Variants in CEP112 observed in about 807,000 individuals in gnomAD.
The protein encoded by CEP112 is centrosomal protein 112, also known as centrosomal protein of 112 kDa.
Under a neutral mutation model 153.0 loss-of-function variants are expected in CEP112, and 127 were observed. That is an observed-to-expected ratio of 0.83 (90% CI 0.72 to 0.96). CEP112 has a LOEUF of 0.96. Ranked by LOEUF, CEP112 falls within the 40% of genes least tolerant of loss-of-function variation. CEP112 has a pLI of 0.00. For synonymous variants in CEP112, 358 were observed against 374.4 expected, an observed-to-expected ratio of 0.96 and a Z score of 0.51; for missense variants, 1,089 against 1,101.2, an observed-to-expected ratio of 0.99 and a Z score of 0.16.
intron 24 of CEP112, among the ~76,000 whole-genome samples, chr17:65,673,426 T>C (rs533556639): frequency 6.6e-6 from 1 of 152,292 alleles, no homozygotes; most frequent in African/African-American, 2.4e-5. Context: ...CCCCACCACT[T>C]GGATAATCTG....
intron 16 of CEP112, among the ~76,000 whole-genome samples, chr17:66,021,056 C>T (rs975610519): frequency 2.0e-5 from 3 of 152,086 alleles, no homozygotes; most frequent in Non-Finnish European, 4.4e-5. Context: ...TACTGAGGAA[C>T]TGTGCAACCT....
At chr17:65,900,006 T>A (rs1448913319) in intron 20 of CEP112, among the ~76,000 whole-genome samples, 1 of 152,182 alleles carries the variant, frequency 6.6e-6, no homozygotes, top group Non-Finnish European at 1.5e-5. Context: ...CATTACATTA[T>A]TTAGACCACA....
chr17:65,925,060 A>C (rs1361619374), intron 19 of CEP112, among the ~76,000 whole-genome samples: 1 of 152,084 alleles, frequency 6.6e-6, no homozygotes, highest in Non-Finnish European at 1.5e-5. Flanking sequence ...TCCCCACCCA[A>C]ATCTCACCTT....
At chr17:66,171,041 T>A (rs117411661) in intron 4 of CEP112, among the ~76,000 whole-genome samples, 5,184 of 152,212 alleles carry the variant, frequency 0.034, 131 homozygotes, top group Middle Eastern at 0.061. Flanking sequence ...ATAAGCCAGA[T>A]GGAGTATGAC....
intron 21 of CEP112, among the ~76,000 whole-genome samples, chr17:65,846,660 C>G (rs2057736016): frequency 6.6e-6 from 1 of 152,188 alleles, no homozygotes; most frequent in African/African-American, 2.4e-5. Flanking sequence ...GCTCCGCCTC[C>G]CGGGTTCACG....
intron 23 of CEP112, among the ~76,000 whole-genome samples, chr17:65,703,041 C>T (rs908844072): frequency 2.0e-5 from 3 of 152,142 alleles, no homozygotes; most frequent in African/African-American, 7.2e-5. Context: ...ACATATGATA[C>T]ATCAGGTTCA....
At chr17:65,830,439 T>C (rs1427819849) in intron 21 of CEP112, among the ~76,000 whole-genome samples, 1 of 152,212 alleles carries the variant, frequency 6.6e-6, no homozygotes, top group Non-Finnish European at 1.5e-5. Context: ...AGTCTGGGAA[T>C]CTTCACAGGA....
intron 24 of CEP112, among the ~76,000 whole-genome samples, chr17:65,680,547 G>A (rs1216979973): frequency 6.6e-6 from 1 of 152,090 alleles, no homozygotes; most frequent in Non-Finnish European, 1.5e-5. Flanking sequence ...CATTGGGCCT[G>A]ATGCTGGGCT....
At chr17:65,746,212 G>A (rs2051455751) in intron 22 of CEP112, among the ~76,000 whole-genome samples, 1 of 149,962 alleles carries the variant, frequency 6.7e-6, no homozygotes, top group African/African-American at 2.5e-5. Context: ...AAAAATGCAG[G>A]TTTTGGAAAG....
At chr17:65,852,311 TTCC>T (rs2057974458) in intron 20 of CEP112, among the ~76,000 whole-genome samples, 1 of 47,122 alleles carries the variant, frequency 2.1e-5, no homozygotes, top group Admixed American at 2.3e-4. Flanking sequence ...TTCCCTTCCC[TTCC>T]CTTTCCTTCC....
intron 24 of CEP112, among the ~76,000 whole-genome samples, chr17:65,664,320 A>G (rs1478915898): frequency 2.0e-5 from 3 of 152,214 alleles, no homozygotes; most frequent in Non-Finnish European, 4.4e-5. Context: ...CACTTGGCTG[A>G]GGGCTTGACA....
chr17:66,130,296 G>C (rs114070343), intron 5 of CEP112, among the ~76,000 whole-genome samples: 3,961 of 152,038 alleles, frequency 0.026, 177 homozygotes, highest in African/African-American at 0.091. Context: ...TTTTAATTGT[G>C]GTATACCACA....
chr17:66,134,149 T>C (rs1168516577), intron 4 of CEP112, among the ~76,000 whole-genome samples: 1 of 152,174 alleles, frequency 6.6e-6, no homozygotes, highest in Non-Finnish European at 1.5e-5. Flanking sequence ...AAAAGATCTA[T>C]ACTTAAAAAT....
In CEP112 at chr17:66,012,943, G is replaced by A. The variant is rs190150515; in HGVS notation, c.1657-7174C>T. Among the ~76,000 whole-genome samples, 341 of 145,862 alleles carry A rather than the reference G, an allele frequency of 2.3e-3. 3 individuals carry two copies. The highest frequency in any genetic ancestry group is 8.4e-3 in the African/African-American group (331 of 39,304). On this transcript the variant is annotated intron_variant, in intron 16 of 26. Transcript: ENST00000535342. ...TTTACTTTTTTTTTTCTTTATTTTT[G>A]TCTGACTGAGTTATTTCAGATAGCT...
intron 22 of CEP112, 39 bp downstream of exon 22, chr17:65,750,623 T>C: frequency 1.3e-6 from 2 of 1,581,192 alleles, no homozygotes; most frequent in African/African-American, 2.7e-5. Flanking sequence ...CATTTTTGTT[T>C]TGGTTTTACC....
At chr17:66,144,470 A>T (rs1483679822) in intron 4 of CEP112, among the ~76,000 whole-genome samples, 7 of 152,188 alleles carry the variant, frequency 4.6e-5, no homozygotes, top group Middle Eastern at 3.2e-3. Flanking sequence ...AGGCAGGCAG[A>T]TCACCTGAGG....
At chr17:65,970,585 A>AT (rs1337052467) in intron 17 of CEP112, among the ~76,000 whole-genome samples, 1 of 152,046 alleles carries the variant, frequency 6.6e-6, no homozygotes, top group Non-Finnish European at 1.5e-5. Flanking sequence ...AATTGCGTGC[A>AT]TTTTATATAT....
intron 19 of CEP112, among the ~76,000 whole-genome samples, chr17:65,917,593 G>A (rs193215090): frequency 5.7e-4 from 87 of 152,208 alleles, no homozygotes; most frequent in African/African-American, 2.1e-3. Flanking sequence ...TCCAGTCTCA[G>A]CAAATGATTT....
chr17:66,026,657 C>A (rs2065224479), intron 16 of CEP112, among the ~76,000 whole-genome samples: 1 of 152,144 alleles, frequency 6.6e-6, no homozygotes, highest in South Asian at 2.1e-4. Context: ...TTTAGGATAC[C>A]AAAATCCATG....
Sources: gnomAD v4.1 joint callset for allele counts (sites outside exome capture counted in the v4.1 genomes callset) on GRCh38, gnomAD v4.1.1 for gene constraint, MANE v1.5 for transcripts, NCBI Gene and HGNC (gene_info 2026-07-23, HGNC 2026-07-21) for gene names.